PDE1C: variants seen among roughly 807,000 people sequenced by gnomAD.
PDE1C encodes the protein phosphodiesterase 1C.
Under a neutral mutation model 93.1 loss-of-function variants are expected in PDE1C, and 62 were observed. The observed-to-expected ratio is 0.67, with a 90% CI of 0.54 to 0.82. The LOEUF (loss-of-function observed/expected upper bound fraction) is 0.82, where lower values mean the gene tolerates loss of function less well. Among genes scored for constraint, PDE1C ranks in the 40% least tolerant of loss-of-function variants. PDE1C has a pLI of 0.00. For missense variants in PDE1C, 742 were observed against 884.6 expected (o/e 0.84, Z 2.04); for synonymous variants, 325 against 310.1 (o/e 1.05, Z -0.50).
chr7:32,264,308 T>C (rs79650321), intron 1 of PDE1C, among the ~76,000 whole-genome samples: 72 of 152,370 alleles, frequency 4.7e-4, no homozygotes, highest in Non-Finnish European at 8.5e-4. Context: ...GCACCTACTA[T>C]TAATATAGCC....
At chr7:32,284,654 C>A (rs1032310750) in intron 1 of PDE1C, among the ~76,000 whole-genome samples, 1 of 152,152 alleles carries the variant, frequency 6.6e-6, no homozygotes, top group Non-Finnish European at 1.5e-5. Flanking sequence ...GAATTTCTCC[C>A]CTGTCCATCC....
At chr7:32,024,222 G>T (rs1399741434) in intron 2 of PDE1C, among the ~76,000 whole-genome samples, 1 of 151,802 alleles carries the variant, frequency 6.6e-6, no homozygotes, top group African/African-American at 2.4e-5. Context: ...CAGGGAGGAA[G>T]GTGTATAACC....
At chr7:32,385,147 A>C (rs1246804538) in intron 1 of PDE1C, among the ~76,000 whole-genome samples, 1 of 152,224 alleles carries the variant, frequency 6.6e-6, no homozygotes, top group Non-Finnish European at 1.5e-5. Context: ...GGTGGCATTC[A>C]TCAAGATGGG....
intron 2 of PDE1C, among the ~76,000 whole-genome samples, chr7:31,935,059 T>C (rs1804847884): frequency 8.3e-6 from 1 of 119,772 alleles, no homozygotes; most frequent in Non-Finnish European, 2.1e-5. Flanking sequence ...ATTGTTTTTA[T>C]CTTATAACCT....
At chr7:32,325,549 T>C (rs1783389643) in intron 1 of PDE1C, among the ~76,000 whole-genome samples, 1 of 152,236 alleles carries the variant, frequency 6.6e-6, no homozygotes, top group Non-Finnish European at 1.5e-5. Context: ...TGACACTGAT[T>C]TCCTTCTAAC....
At chr7:31,685,870 T>C in the PDE1C span, among the ~76,000 whole-genome samples, 1 of 152,158 alleles carries the variant, frequency 6.6e-6, no homozygotes, top group Admixed American at 6.5e-5. Flanking sequence ...CCAATAAGGA[T>C]CAACACAAAA....
At chr7:31,623,749 T>G in the PDE1C span, among the ~76,000 whole-genome samples, 14 of 149,722 alleles carry the variant, frequency 9.4e-5, no homozygotes, top group Non-Finnish European at 1.5e-4. Flanking sequence ...CTATTCAACA[T>G]AGTGTTGGAA....
At chr7:31,897,052 A>G (rs1472887523) in intron 2 of PDE1C, among the ~76,000 whole-genome samples, 2 of 152,210 alleles carry the variant, frequency 1.3e-5, no homozygotes, top group African/African-American at 4.8e-5. Context: ...TTTTACACTG[A>G]TGTGCGCTTA....
chr7:32,379,090 T>C (rs6973984), intron 1 of PDE1C, among the ~76,000 whole-genome samples: 1,997 of 152,328 alleles, frequency 0.013, 42 homozygotes, highest in African/African-American at 0.046. Context: ...CTGCTCCAGC[T>C]GCATTTCACT....
At chr7:32,384,274 A>G (rs1784586625) in intron 1 of PDE1C, among the ~76,000 whole-genome samples, 1 of 152,232 alleles carries the variant, frequency 6.6e-6, no homozygotes, top group African/African-American at 2.4e-5. Context: ...GGAGATGGAT[A>G]TGAAAATAAC....
chr7:31,673,943 G>A, the PDE1C span, among the ~76,000 whole-genome samples: 2 of 152,100 alleles, frequency 1.3e-5, no homozygotes, highest in African/African-American at 2.4e-5. Flanking sequence ...CATGGGTAGC[G>A]AAAAGAAAAT....
Position 31,939,230 on chromosome 7 carries a change from A to AAGGAGG in PDE1C, c.129-58376_129-58371dup, listed in dbSNP as rs111840541. ...ACAGAGAGAGAGACAGAAGAAGAAG[A>AAGGAGG]AGGAGGAGGAGGAGGAGAAGGAGGA... On this transcript the variant is annotated intron_variant, in intron 2 of 17. Transcript: ENST00000396191. Among the ~76,000 whole-genome samples, 1,458 of 151,708 alleles carry AAGGAGG rather than the reference A, an allele frequency of 9.6e-3. 19 individuals carry two copies. Among genetic ancestry groups the AAGGAGG allele is most frequent in the African/African-American group, 0.031 (1,277 of 41,078 alleles).
intron 2 of PDE1C, among the ~76,000 whole-genome samples, chr7:32,037,259 T>C (rs1033213006): frequency 6.6e-6 from 1 of 152,254 alleles, no homozygotes; most frequent in Non-Finnish European, 1.5e-5. Flanking sequence ...CCACACTGCA[T>C]GTTCTCAAGT....
intron 2 of PDE1C, among the ~76,000 whole-genome samples, chr7:32,041,589 T>C (rs1297475258): frequency 6.6e-6 from 1 of 152,210 alleles, no homozygotes; most frequent in Non-Finnish European, 1.5e-5. Context: ...CAGAACATGT[T>C]TTCTCTTATC....
intron 2 of PDE1C, among the ~76,000 whole-genome samples, chr7:31,968,042 C>T (rs536564037): frequency 6.6e-6 from 1 of 152,100 alleles, no homozygotes; most frequent in African/African-American, 2.4e-5. Flanking sequence ...CCTTTGAAAA[C>T]TGGCACAAGA....
rs144348000 is a variant in PDE1C at position 32,164,583 on chromosome 7, T to C, written c.308+5202A>G. 2.1e-3 allele frequency among the ~76,000 whole-genome samples: 323 copies of C among 152,330 alleles called. 1 individual carries two copies. Among genetic ancestry groups the C allele is most frequent in the African/African-American group, 7.0e-3 (292 of 41,582 alleles). On this transcript the variant is annotated intron_variant, in intron 3 of 18. Transcript: ENST00000396193. ...CTTTGGGCAAGCTGCTTGATCTCTCTGAGCCTCAGTTTCCTGACCTGTACA... is the reference window on the plus strand; with the variant it reads ...CTTTGGGCAAGCTGCTTGATCTCTCCGAGCCTCAGTTTCCTGACCTGTACA...
At chr7:32,295,439 G>A (rs936990324) in intron 1 of PDE1C, among the ~76,000 whole-genome samples, 3 of 152,172 alleles carry the variant, frequency 2.0e-5, no homozygotes, top group Non-Finnish European at 4.4e-5. Context: ...CCTAAAACAG[G>A]GGTCATAACA....
chr7:32,024,306 T>C (rs1158493225), intron 2 of PDE1C, among the ~76,000 whole-genome samples: 2 of 152,036 alleles, frequency 1.3e-5, no homozygotes, highest in Non-Finnish European at 2.9e-5. Flanking sequence ...GTTTTCAATA[T>C]ACCTTTTTAC....
chr7:31,854,742 C>A lies in PDE1C; in HGVS notation c.751-4001G>T, dbSNP rs539422931. Among the ~76,000 whole-genome samples the A allele has an allele frequency of 4.6e-5, 7 of 152,178 alleles. No homozygotes were observed. In the South Asian group the frequency reaches 1.5e-3, roughly 32 times the overall value. ...AGTAATCTGTTAGTTTTCCATGCTA[C>A]CTTAACAAATGCTCAGTCTTGGAGG... is the stretch of plus-strand genomic sequence containing the variant. On this transcript the variant is annotated intron_variant, in intron 7 of 17. Coordinates refer to ENST00000396191, the MANE Select transcript of PDE1C (RefSeq NM_001191057.4).
Sources: gnomAD v4.1 joint callset for allele counts (sites outside exome capture counted in the v4.1 genomes callset) on GRCh38, gnomAD v4.1.1 for gene constraint, MANE v1.5 for transcripts, NCBI Gene and HGNC (gene_info 2026-07-23, HGNC 2026-07-21) for gene names.